The following VAT1L variants were observed in gnomAD, a reference collection of about 807,000 sequenced individuals.
The protein encoded by VAT1L is vesicle amine transport 1 like, also known as putative NADPH-dependent quinone oxidoreductase VAT1L.
VAT1L carries 34 observed loss-of-function variants against 44.1 expected under a neutral mutation model. The ratio of observed to expected loss-of-function variants is 0.77; its 90% CI spans 0.59 to 1.03. The LOEUF (loss-of-function observed/expected upper bound fraction) is 1.03, where lower values mean the gene tolerates loss of function less well. Ranked by LOEUF, VAT1L falls within the 50% of genes least tolerant of loss-of-function variation. The pLI is 0.00. For missense variants in VAT1L, 615 were observed against 538.8 expected, an observed-to-expected ratio of 1.14 and a Z score of -1.40; for synonymous variants, 253 against 202.2, an observed-to-expected ratio of 1.25 and a Z score of -2.13.
chr16:77,923,694 G>C (rs900318138), intron 7 of VAT1L, among the ~76,000 whole-genome samples: 4 of 152,158 alleles, frequency 2.6e-5, no homozygotes, highest in East Asian at 3.9e-4. Flanking sequence ...ATGGACAAAG[G>C]CTTCTCCCAA....
rs1302290117 is a variant in VAT1L, at chr16:77,788,698, G to A, written c.16G>A (p.Val6Met). Residue 6 changes from valine (V) to methionine (M), a missense_variant, in exon 1 of 9, where the codon GTG (valine) becomes ATG (methionine). Val to Met is a conservative substitution (Grantham distance 21). Transcript: ENST00000302536. MAKEG[V>M]EKAEETEQMI... is the part of the protein sequence containing the mutation. ...CTCGAGCGCCATGGCCAAGGAAGGC[G>A]TGGAGAAGGCGGAGGAGACGGAGCA... 19 of 1,551,806 alleles carry A rather than the reference G, an allele frequency of 1.2e-5. No homozygotes were observed. The highest frequency in any genetic ancestry group is 1.6e-5 in the Non-Finnish European group (18 of 1,147,462).
chr16:77,952,761 G>A (rs1318715335), intron 7 of VAT1L, among the ~76,000 whole-genome samples: 2 of 150,128 alleles, frequency 1.3e-5, no homozygotes, highest in Non-Finnish European at 2.9e-5. Flanking sequence ...AGGAGGCTGA[G>A]GCAGGAGAAT....
chr16:77,927,357 G>T (rs1180438459), intron 7 of VAT1L, among the ~76,000 whole-genome samples: 1 of 146,856 alleles, frequency 6.8e-6, no homozygotes, highest in East Asian at 2.0e-4. Flanking sequence ...AAAAAACACT[G>T]TTGGGAGGGC....
chr16:77,921,647 C>T (rs1317308064), intron 7 of VAT1L, among the ~76,000 whole-genome samples: 3 of 152,192 alleles, frequency 2.0e-5, no homozygotes, highest in African/African-American at 7.2e-5. Flanking sequence ...AATATTTTCC[C>T]TTTGTCCTAA....
chr16:77,911,683 G>T (rs2017500918), intron 7 of VAT1L, among the ~76,000 whole-genome samples: 4 of 152,172 alleles, frequency 2.6e-5, no homozygotes, highest in Non-Finnish European at 5.9e-5. Context: ...GGGAGGTGGG[G>T]AAGGAGCTTG....
intron 7 of VAT1L, among the ~76,000 whole-genome samples, chr16:77,917,405 T>C (rs939207675): frequency 4.6e-5 from 7 of 152,188 alleles, no homozygotes; most frequent in African/African-American, 1.7e-4. Context: ...ACCTTTAATA[T>C]TGAAAAATAA....
chr16:77,897,946 C>T (rs1027868678), intron 7 of VAT1L, among the ~76,000 whole-genome samples: 5 of 152,186 alleles, frequency 3.3e-5, no homozygotes, highest in Admixed American at 1.3e-4. Flanking sequence ...AGCCAAGGGG[C>T]TTACACAACA....
At chr16:77,792,098 A>G (rs1403206686) in intron 1 of VAT1L, among the ~76,000 whole-genome samples, 1 of 152,168 alleles carries the variant, frequency 6.6e-6, no homozygotes, top group Non-Finnish European at 1.5e-5. Context: ...GGGATAATAA[A>G]ATGAACTTCA....
rs141459738 is a variant in VAT1L, at chr16:77,976,346, G to C, written c.1162-1251G>C. Among the ~76,000 whole-genome samples the C allele has an allele frequency of 6.6e-5, 10 of 152,334 alleles. No individual in the cohort carries two copies. In the East Asian group the frequency reaches 1.9e-3, roughly 29 times the overall value. On this transcript the variant is annotated intron_variant, in intron 8 of 8. Transcript: ENST00000302536. ...TAGGGAATTCTGCAAAGGCTTCCTT[G>C]AGGAAGCAGGATGAGCCCTAAAGGA...
chr16:77,812,833 TTTA>T (rs2016288575), intron 1 of VAT1L, among the ~76,000 whole-genome samples: 1 of 152,214 alleles, frequency 6.6e-6, no homozygotes, highest in African/African-American at 2.4e-5. Context: ...ATGATAACTC[TTTA>T]AACCTAGCCT....
At chr16:77,862,199 C>G (rs2016921743) in intron 3 of VAT1L, among the ~76,000 whole-genome samples, 1 of 152,204 alleles carries the variant, frequency 6.6e-6, no homozygotes. Context: ...TTTGCAATGT[C>G]TGGATACATT....
In VAT1L at chr16:77,788,889, C is replaced by T; in HGVS notation, c.207C>T (p.Gly69=). The change falls in exon 1 of 9, where the codon GGC becomes GGT. Residue 69 remains glycine, a synonymous_variant. Transcript: ENST00000302536. Reference sequence around the variant, plus strand: ...AGGCCATGCCCGAGCCTCAGGACGGCGAGCTCAAGATCCGCGTCAAAGCCT... The same window carrying T: ...AGGCCATGCCCGAGCCTCAGGACGGTGAGCTCAAGATCCGCGTCAAAGCCT... The part of the protein sequence containing the change: ...FRKAMPEPQD[G]ELKIRVKACG... 6.5e-7 allele frequency: 1 copy of T among 1,544,262 alleles called. No individual in the cohort carries two copies. Among genetic ancestry groups the T allele is most frequent in the East Asian group, 2.4e-5 (1 of 42,220 alleles).
At chr16:77,811,174 A>G (rs1028198947) in intron 1 of VAT1L, among the ~76,000 whole-genome samples, 7 of 152,236 alleles carry the variant, frequency 4.6e-5, no homozygotes, top group Non-Finnish European at 1.0e-4. Context: ...AGGAAAGAAC[A>G]GGATAGCAAG....
At chr16:77,854,319 C>G (rs936422873) in intron 3 of VAT1L, among the ~76,000 whole-genome samples, 1 of 152,074 alleles carries the variant, frequency 6.6e-6, no homozygotes, top group South Asian at 2.1e-4. Flanking sequence ...CAGTGACAAA[C>G]AAAGAAAAAG....
At chr16:77,819,035 G>A (rs949176716) in intron 2 of VAT1L, among the ~76,000 whole-genome samples, 11 of 152,096 alleles carry the variant, frequency 7.2e-5, no homozygotes, top group Admixed American at 2.6e-4. Context: ...ATAATGAGAT[G>A]AAGTGGTTAT....
chr16:77,908,420 C>A lies in VAT1L; in HGVS notation c.1077+23618C>A, dbSNP rs186529036. Among the ~76,000 whole-genome samples, 5 of 141,070 alleles carry A rather than the reference C, an allele frequency of 3.5e-5. No homozygotes were observed. In the East Asian group the frequency reaches 1.1e-3, roughly 31 times the overall value. 92.5% of individuals were successfully genotyped at this position (141,070 alleles called of 152,430 possible). On this transcript the variant is annotated intron_variant, in intron 7 of 8. Transcript: ENST00000302536. ...CAGAGGTTGCAGTGAGCCGAGATAG[C>A]GCCACTGCCCTCCAGGCTGGGGGAC...
intron 7 of VAT1L, among the ~76,000 whole-genome samples, chr16:77,967,067 C>T (rs1000275543): frequency 2.0e-5 from 3 of 152,050 alleles, no homozygotes; most frequent in African/African-American, 7.2e-5. Flanking sequence ...TCACCCCCGC[C>T]GGGGTGCTTT....
chr16:77,888,101 C>A (rs1040204275), intron 7 of VAT1L, among the ~76,000 whole-genome samples: 4 of 152,204 alleles, frequency 2.6e-5, no homozygotes, highest in Non-Finnish European at 1.5e-5. Flanking sequence ...TCCTTCAGGT[C>A]TCAGCCTCAG....
At chr16:77,815,733 C>G (rs1238892864) in intron 1 of VAT1L, among the ~76,000 whole-genome samples, 1 of 151,698 alleles carries the variant, frequency 6.6e-6, no homozygotes, top group Non-Finnish European at 1.5e-5. Flanking sequence ...ATTTGGGAGA[C>G]CAAGGTGGGC....
Sources: allele counts gnomAD v4.1 joint callset (sites outside exome capture counted in the v4.1 genomes callset), GRCh38; gene constraint gnomAD v4.1.1; transcripts MANE v1.5; gene names NCBI Gene and HGNC (gene_info 2026-07-23, HGNC 2026-07-21).